HMGA2: variants seen among roughly 807,000 people sequenced by gnomAD.
The protein encoded by HMGA2 is high mobility group AT-hook 2.
HMGA2 carries 8 observed loss-of-function variants against 19.1 expected under a neutral mutation model. The ratio of observed to expected loss-of-function variants is 0.42; its 90% CI spans 0.25 to 0.76. The LOEUF (loss-of-function observed/expected upper bound fraction) is 0.76, where lower values mean the gene tolerates loss of function less well. Among genes scored for constraint, HMGA2 ranks in the 30% least tolerant of loss-of-function variants. The pLI is 0.28. For missense variants in HMGA2, 109 were observed against 136.3 expected (o/e 0.80, Z 1.00); for synonymous variants, 60 against 48.8 (o/e 1.23, Z -0.96).
intron 3 of HMGA2, among the ~76,000 whole-genome samples, chr12:65,925,175 C>T (rs747029780): frequency 6.6e-6 from 1 of 152,176 alleles, no homozygotes; most frequent in South Asian, 2.1e-4. Flanking sequence ...TCAAAAGTAT[C>T]TTTTCTACAA....
At chr12:65,890,701 C>G (rs1024475610) in intron 3 of HMGA2, among the ~76,000 whole-genome samples, 3 of 151,486 alleles carry the variant, frequency 2.0e-5, no homozygotes, top group African/African-American at 7.3e-5. Flanking sequence ...ATTGAGAGGA[C>G]TATTTTACCG....
At chr12:65,922,101 G>C (rs1339569431) in intron 3 of HMGA2, among the ~76,000 whole-genome samples, 1 of 152,244 alleles carries the variant, frequency 6.6e-6, no homozygotes, top group Non-Finnish European at 1.5e-5. Context: ...GGGCCATGGG[G>C]AAGGGAAATG....
intron 2 of HMGA2, among the ~76,000 whole-genome samples, chr12:65,834,884 TAAGTGTA>T: frequency 6.6e-6 from 1 of 152,332 alleles, no homozygotes; most frequent in Admixed American, 6.5e-5. Flanking sequence ...ATCATAAAAT[TAAGTGTA>T]CAGTTTTGAA....
intron 3 of HMGA2, among the ~76,000 whole-genome samples, chr12:65,936,368 CA>C (rs748430965): frequency 7.2e-5 from 11 of 152,224 alleles, no homozygotes; most frequent in Non-Finnish European, 1.3e-4. Context: ...TCACACAATA[CA>C]AAGGAAATTG....
At chr12:65,908,948 A>G (rs542740635) in intron 3 of HMGA2, among the ~76,000 whole-genome samples, 66 of 152,306 alleles carry the variant, frequency 4.3e-4, no homozygotes, top group African/African-American at 1.6e-3. Flanking sequence ...AAAAAGGCTT[A>G]CTTCTGAACA....
chr12:65,849,215 T>G (rs1445163888), intron 3 of HMGA2, among the ~76,000 whole-genome samples: 1 of 152,208 alleles, frequency 6.6e-6, no homozygotes, highest in Non-Finnish European at 1.5e-5. Flanking sequence ...GCCATTATTC[T>G]CTCAGGTAGT....
intron 3 of HMGA2, among the ~76,000 whole-genome samples, chr12:65,940,163 T>C (rs1045951151): frequency 5.9e-5 from 9 of 152,126 alleles, no homozygotes; most frequent in African/African-American, 2.2e-4. Flanking sequence ...TATTTTAGCC[T>C]TCATAGCCTT....
At chr12:65,861,166 G>T (rs1331269182) in intron 3 of HMGA2, among the ~76,000 whole-genome samples, 1 of 152,194 alleles carries the variant, frequency 6.6e-6, no homozygotes, top group East Asian at 1.9e-4. Context: ...TGGAGTTCGA[G>T]ACCATCCTGG....
intron 3 of HMGA2, among the ~76,000 whole-genome samples, chr12:65,922,538 C>T (rs527350243): frequency 3.3e-4 from 50 of 152,308 alleles, no homozygotes; most frequent in African/African-American, 1.0e-3. Context: ...AACTAGCTTG[C>T]TTTTAATTTT....
rs534461925 is a variant in HMGA2, at chr12:65,909,288, T to G, written c.250-42095T>G. ...CTGCTGGGAACTGCCCCATTTAATATAAATTATATTACCTGTGGAATTTAA... is the reference window on the plus strand; with the variant it reads ...CTGCTGGGAACTGCCCCATTTAATAGAAATTATATTACCTGTGGAATTTAA... On this transcript the variant is annotated intron_variant, in intron 3 of 4. Transcript: ENST00000403681. 1.6e-3 allele frequency among the ~76,000 whole-genome samples: 246 copies of G among 152,292 alleles called. 4 individuals are homozygous for G. The highest frequency in any genetic ancestry group is 5.4e-3 in the African/African-American group (223 of 41,560).
intron 4 of HMGA2, chr12:65,955,930 A>C (rs1295849171): frequency 6.6e-6 from 1 of 152,224 alleles, no homozygotes; most frequent in African/African-American, 2.4e-5. Context: ...GTTTGGAGCA[A>C]AATGAGAGAT....
intron 3 of HMGA2, among the ~76,000 whole-genome samples, chr12:65,943,493 A>C (rs920541134): frequency 6.6e-6 from 1 of 152,224 alleles, no homozygotes; most frequent in Non-Finnish European, 1.5e-5. Context: ...ATCCTTGAGC[A>C]GATGAAACAA....
intron 3 of HMGA2, among the ~76,000 whole-genome samples, chr12:65,927,831 C>CTGTGTGTGTG (rs143707177): frequency 1.3e-3 from 195 of 145,126 alleles, no homozygotes; most frequent in African/African-American, 4.4e-3. Context: ...CTCTTTGTAT[C>CTGTGTGTGTG]TGTGTGTGTG....
At chr12:65,886,428 C>G (rs921673265) in intron 3 of HMGA2, among the ~76,000 whole-genome samples, 1 of 150,362 alleles carries the variant, frequency 6.7e-6, no homozygotes, top group African/African-American at 2.5e-5. Context: ...GGCGCAATCT[C>G]TGCTCACTGC....
intron 3 of HMGA2, among the ~76,000 whole-genome samples, chr12:65,929,434 G>A (rs1223284494): frequency 6.6e-6 from 1 of 151,320 alleles, no homozygotes; most frequent in African/African-American, 2.4e-5. Context: ...TATGTCTAAA[G>A]AGACCTATGT....
intron 3 of HMGA2, among the ~76,000 whole-genome samples, chr12:65,888,118 T>C (rs1427831436): frequency 6.6e-6 from 1 of 152,092 alleles, no homozygotes; most frequent in African/African-American, 2.4e-5. Flanking sequence ...GAACATAGGA[T>C]ATAGTTTATG....
rs1047374878 is a variant in HMGA2 at position 65,934,501 on chromosome 12, G to A, written c.250-16882G>A. Among the ~76,000 whole-genome samples, 6 of 152,046 alleles carry A rather than the reference G, an allele frequency of 3.9e-5. No homozygotes were observed. The East Asian group carries it at 1.2e-3, about 29-fold the overall frequency. ...GTGATTTTACTATCTAATATGTTGT[G>A]GCTATAACCAGAGAATGCAAAATCT... On this transcript the variant is annotated intron_variant, in intron 3 of 4. Transcript: ENST00000403681.
At chr12:65,924,669 G>A (rs534600314) in intron 3 of HMGA2, among the ~76,000 whole-genome samples, 1 of 152,188 alleles carries the variant, frequency 6.6e-6, no homozygotes, top group East Asian at 1.9e-4. Flanking sequence ...GTTGTGGGGC[G>A]TGCCTGTAGT....
rs140506492 is a variant in HMGA2, at chr12:65,832,305, C to T, written c.198+4218C>T. Among the ~76,000 whole-genome samples the T allele has an allele frequency of 2.0e-5, 3 of 152,018 alleles. No individual in the cohort carries two copies. In the East Asian group the frequency reaches 5.8e-4, roughly 29 times the overall value. On this transcript the variant is annotated intron_variant, in intron 2 of 4. Coordinates refer to ENST00000403681, the MANE Select transcript of HMGA2 (RefSeq NM_003483.6). ...GGAGATTGAAATACATTTGAATTAT[C>T]TTATGAAGTAATTTTATTTCAAGGG...
Sources: allele counts gnomAD v4.1 joint callset (sites outside exome capture counted in the v4.1 genomes callset), GRCh38; gene constraint gnomAD v4.1.1; transcripts MANE v1.5; gene names NCBI Gene and HGNC (gene_info 2026-07-23, HGNC 2026-07-21).